Variants in POM121 observed in about 807,000 individuals in gnomAD.
The protein encoded by POM121 is nuclear envelope pore membrane protein POM 121.
POM121 carries 32 observed loss-of-function variants against 81.3 expected under a neutral mutation model. The ratio of observed to expected loss-of-function variants is 0.39; its 90% confidence interval spans 0.30 to 0.53. POM121 has a LOEUF of 0.53. POM121 is among the 20% of genes least tolerant of loss of function. POM121 has a pLI of 0.66. For synonymous variants in POM121, 514 were observed against 694.2 expected (o/e 0.74, Z 4.08); for missense variants, 1,138 against 1,614.6 (o/e 0.70, Z 5.06).
chr7:72,927,853 T>G (rs1327383127), intron 3 of POM121, among the ~76,000 whole-genome samples: 2 of 152,192 alleles, frequency 1.3e-5, no homozygotes, highest in Non-Finnish European at 2.9e-5. Context: ...CTCCAAGTGC[T>G]ATGGATAGAG....
At position 72,948,143 on chromosome 7, in the gene POM121, T is replaced by C; in HGVS notation, c.*1909T>C. The stretch of plus-strand genomic sequence containing the variant: ...AACCCTGAGTGAGAATGAGTGTGGA[T>C]GTGTACAGTACACGCACTGGACGGC... On this transcript the variant is annotated 3_prime_UTR_variant, in exon 13 of 13. Coordinates refer to ENST00000434423, the MANE Select transcript of POM121 (RefSeq NM_001387691.1). 1 of 1,421,786 alleles carries C rather than the reference T, an allele frequency of 7.0e-7. No individual in the cohort carries two copies. The highest frequency in any genetic ancestry group is 9.1e-7 in the Non-Finnish European group (1 of 1,093,014). 88.1% of individuals were successfully genotyped at this position (1,421,786 alleles called of 1,614,324 possible).
intron 3 of POM121, among the ~76,000 whole-genome samples, chr7:72,896,236 G>T (rs1791935766): frequency 6.6e-6 from 1 of 152,160 alleles, no homozygotes; most frequent in South Asian, 2.1e-4. Context: ...TGTAATCCCA[G>T]CACTTTCGGT....
At chr7:72,901,468 C>T (rs1374746467) in intron 3 of POM121, among the ~76,000 whole-genome samples, 6 of 151,804 alleles carry the variant, frequency 4.0e-5, no homozygotes, top group African/African-American at 1.2e-4. Context: ...GATTCTCCTG[C>T]CTCAGCCTCC....
intron 3 of POM121, among the ~76,000 whole-genome samples, chr7:72,910,078 A>T (rs1438037392): frequency 2.6e-5 from 4 of 151,998 alleles, no homozygotes; most frequent in South Asian, 4.2e-4. Flanking sequence ...CACATATTTA[A>T]CCCATTTCCC....
At position 72,938,674 on chromosome 7, in the gene POM121, A is replaced by C; in HGVS notation, c.1360A>C (p.Lys454Gln). 1 of 1,613,648 alleles carries C rather than the reference A, an allele frequency of 6.2e-7. No individual in the cohort carries two copies. The highest frequency in any genetic ancestry group is 8.5e-7 in the Non-Finnish European group (1 of 1,179,584). Residue 454 changes from lysine to glutamine, a missense_variant, in exon 6 of 13, where the codon AAA (lysine) becomes CAA (glutamine). Physicochemically the swap from Lys to Gln is moderately conservative, Grantham distance 53 (BLOSUM62 1). This residue lies in a region of POM121 where 646 missense variants were observed against 633.5 expected (regional missense o/e 1.02). Coordinates refer to ENST00000434423, the MANE Select transcript of POM121 (RefSeq NM_001387691.1). ...RSQTPERPAKKIREEELCHHS... is the reference protein window; with the variant it reads ...RSQTPERPAKQIREEELCHHS... The stretch of plus-strand genomic sequence containing the variant: ...CCAGACACCGGAGAGGCCAGCAAAG[A>C]AAATAAGGTACTTGGCATTCTCCTG...
At chr7:72,917,918 C>T (rs1418937634) in intron 4 of POM121, among the ~76,000 whole-genome samples, 1 of 152,174 alleles carries the variant, frequency 6.6e-6, no homozygotes, top group Admixed American at 6.5e-5. Flanking sequence ...GGTAAGGTCA[C>T]GTGGGTCACA....
At chr7:72,929,314 G>A (rs1305515135) in intron 4 of POM121, among the ~76,000 whole-genome samples, 3 of 152,176 alleles carry the variant, frequency 2.0e-5, no homozygotes, top group Non-Finnish European at 4.4e-5. Flanking sequence ...GGGTGAAAGA[G>A]GAAATACACT....
intron 7 of POM121, among the ~76,000 whole-genome samples, chr7:72,939,646 A>G (rs1796868183): frequency 6.6e-6 from 1 of 152,196 alleles, no homozygotes; most frequent in Non-Finnish European, 1.5e-5. Flanking sequence ...CCTGTGGGTG[A>G]TCCCAGTAAT....
intron 4 of POM121, among the ~76,000 whole-genome samples, chr7:72,929,037 G>A (rs1348585466): frequency 6.6e-6 from 1 of 152,212 alleles, no homozygotes; most frequent in East Asian, 1.9e-4. Context: ...GGTCAGATCA[G>A]TGTACTGCAC....
chr7:72,888,325 G>T (rs186972689), intron 1 of POM121, among the ~76,000 whole-genome samples: 45 of 152,254 alleles, frequency 3.0e-4, no homozygotes, highest in African/African-American at 9.6e-4. Flanking sequence ...AGGGAAACTG[G>T]TATCTCTGTA....
intron 3 of POM121, among the ~76,000 whole-genome samples, chr7:72,907,127 C>T (rs1303478543): frequency 2.7e-4 from 41 of 151,922 alleles, no homozygotes; most frequent in African/African-American, 8.9e-4. Context: ...CTTCATATGC[C>T]GTGCTAAATC....
chr7:72,929,970 T>C lies in POM121; in HGVS notation c.1134T>C (p.Ser378=). ...KPGSLKRGLN[S]QSSDDHLNKR... ...GGTCTCTGAAGAGAGGCCTCAATTC[T>C]CAGAGCTCAGATGACCACTTGAATA... Residue 378 remains serine (S), a synonymous_variant, in exon 5 of 13, where the codon TCT becomes TCC. Transcript: ENST00000434423. 6.2e-7 allele frequency: 1 copy of C among 1,612,448 alleles called. No individual in the cohort carries two copies. The highest frequency in any genetic ancestry group is 8.5e-7 in the Non-Finnish European group (1 of 1,178,876).
intron 5 of POM121, among the ~76,000 whole-genome samples, chr7:72,932,604 G>A (rs1285103698): frequency 4.6e-5 from 7 of 152,226 alleles, no homozygotes; most frequent in Middle Eastern, 3.4e-3. Flanking sequence ...GGTTAAATGC[G>A]CATGTAATTT....
At chr7:72,938,268 C>T (rs1554499895) in intron 5 of POM121, among the ~76,000 whole-genome samples, 2 of 151,202 alleles carry the variant, frequency 1.3e-5, no homozygotes, top group Non-Finnish European at 2.9e-5. Flanking sequence ...ACTCTGTCAC[C>T]CAGGCTGGAG....
upstream of POM121, among the ~76,000 whole-genome samples, chr7:72,922,810 CCTCT>C (rs1259198971): frequency 2.6e-5 from 4 of 151,352 alleles, no homozygotes; most frequent in Non-Finnish European, 5.9e-5. Context: ...AGGCTATGGA[CCTCT>C]CTATTTACAT....
chr7:72,892,882 G>A (rs1404174723), intron 3 of POM121, among the ~76,000 whole-genome samples: 1 of 151,546 alleles, frequency 6.6e-6, no homozygotes, highest in Non-Finnish European at 1.5e-5. Flanking sequence ...GGTCAGGCTG[G>A]TCTCTAACTC....
At chr7:72,948,376 A>G, downstream of POM121, 1 of 1,613,334 alleles carries the variant, frequency 6.2e-7, no homozygotes, top group Non-Finnish European at 8.5e-7. Flanking sequence ...AAGGGACCCA[A>G]TAACCTTTCA....
At chr7:72,890,752 G>A (rs1791224122) in exon 2 of POM121, 1 of 1,600,910 alleles carries the variant, frequency 6.2e-7, no homozygotes, top group Non-Finnish European at 8.5e-7. Flanking sequence ...TAGTTTCCCT[G>A]GGTGAGGATA....
chr7:72,948,670 C>T (rs3175151), downstream of POM121: 35 of 1,604,166 alleles, frequency 2.2e-5, no homozygotes, highest in Admixed American at 5.0e-5. Context: ...TCACTCACGT[C>T]GGCATCTCGA....
Sources: allele counts gnomAD v4.1 joint callset (sites outside exome capture counted in the v4.1 genomes callset), GRCh38; gene constraint gnomAD v4.1.1; regional missense constraint gnomAD v4.1.1; transcripts MANE v1.5; gene names NCBI Gene and HGNC (gene_info 2026-07-23, HGNC 2026-07-21).